Variants in TSPAN4 observed in about 807,000 individuals in gnomAD.
The protein encoded by TSPAN4 is tetraspanin-4.
In TSPAN4, 38 loss-of-function variants were observed where a neutral mutation model predicts 31.5. The observed-to-expected ratio is 1.21, with a 90% CI of 0.93 to 1.58. The LOEUF is 1.58. Ranked by LOEUF, TSPAN4 falls within the 40% of genes most tolerant of loss-of-function variation. The pLI is 0.00. For synonymous variants in TSPAN4, 186 were observed against 144.6 expected (o/e 1.29, Z -2.06); for missense variants, 330 against 317.3 (o/e 1.04, Z -0.30).
At chr11:845,671 T>C (rs1374267703) in intron 1 of TSPAN4, among the ~76,000 whole-genome samples, 4 of 151,478 alleles carry the variant, frequency 2.6e-5, no homozygotes, top group Admixed American at 2.6e-4. Flanking sequence ...CCACCCAGGG[T>C]CCTAAGTCTG....
chr11:864,157 C>T (rs923861123), intron 4 of TSPAN4: 1 of 535,882 alleles, frequency 1.9e-6, no homozygotes, highest in Non-Finnish European at 3.4e-6. Context: ...TTGGGGGTGT[C>T]TGGGTTGCCC....
intron 3 of TSPAN4, among the ~76,000 whole-genome samples, chr11:852,149 A>G (rs978604895): frequency 2.0e-5 from 3 of 152,098 alleles, no homozygotes; most frequent in African/African-American, 7.2e-5. Context: ...GTTTTTTGAG[A>G]TAGAGTCTTG....
In TSPAN4 at chr11:862,695, T is replaced by G; in HGVS notation, c.209T>G (p.Val70Gly). ...GCCTTTGTCATGGCCATCGGCTTCGTGGGCTGCCTGGGTGCCATCAAGGAG... is the reference window on the plus strand; with the variant it reads ...GCCTTTGTCATGGCCATCGGCTTCGGGGGCTGCCTGGGTGCCATCAAGGAG... Reference protein sequence around the residue: ...TGAFVMAIGFVGCLGAIKENK... With the variant: ...TGAFVMAIGFGGCLGAIKENK... The change falls in exon 4 of 9, where the codon GTG (valine) becomes GGG (glycine). Residue 70 changes from valine to glycine, a missense_variant. Coordinates refer to ENST00000397397, the MANE Select transcript of TSPAN4 (RefSeq NM_003271.5). The G allele has an allele frequency of 6.2e-7, 1 of 1,612,964 alleles. No individual in the cohort carries two copies. Among genetic ancestry groups the G allele is most frequent in the South Asian group, 1.1e-5 (1 of 91,068 alleles).
Position 864,481 on chromosome 11 carries a change from C to A in TSPAN4, c.300C>A (p.Ile100=). The A allele has an allele frequency of 6.2e-7, 1 of 1,612,850 alleles. No individual in the cohort carries two copies. The highest frequency in any genetic ancestry group is 2.2e-5 in the East Asian group (1 of 44,882). The change falls in exon 5 of 9, where the codon ATC becomes ATA. Residue 100 remains isoleucine, a synonymous_variant. Coordinates refer to ENST00000397397, the MANE Select transcript of TSPAN4 (RefSeq NM_003271.5). ...LLLVFLLEAT[I]AILFFAYTDK... ...TGGTGTTCCTGCTGGAGGCCACCAT[C>A]GCCATCCTCTTCTTCGCCTACACGG...
Position 860,290 on chromosome 11 carries a change from T to C in TSPAN4, c.64-2260T>C, listed in dbSNP as rs150638460. On this transcript the variant is annotated intron_variant, in intron 3 of 8. Transcript: ENST00000397397. ...AGCCCAGAGGGACCGAAGACACCAG[T>C]GACAGGCCTGGCCTGAATCTTGGGG... 2.1e-3 allele frequency among the ~76,000 whole-genome samples: 320 copies of C among 152,278 alleles called. 3 individuals are homozygous for C. Among genetic ancestry groups the C allele is most frequent in the African/African-American group, 7.2e-3 (301 of 41,564 alleles).
chr11:847,495 G>C (rs1847382552), intron 2 of TSPAN4, among the ~76,000 whole-genome samples, 195 bp downstream of exon 2: 1 of 152,062 alleles, frequency 6.6e-6, no homozygotes, highest in African/African-American at 2.4e-5. Context: ...GGGTGTTGAA[G>C]GACCCTCCCC....
chr11:846,427 G>A (rs1052887857), intron 1 of TSPAN4, among the ~76,000 whole-genome samples: 1 of 152,204 alleles, frequency 6.6e-6, no homozygotes, highest in Non-Finnish European at 1.5e-5. Flanking sequence ...TGGGGTGGAG[G>A]CTCTATGGTT....
rs1052583734 is a variant in TSPAN4, at chr11:848,552, G to A, written c.-18+1252G>A. ...AGCTGCGGGACCTCCCTGGGCACCC[G>A]GGGCTTCCACGGCAGCCCTCCCCAG... is the stretch of plus-strand genomic sequence containing the variant. On this transcript the variant is annotated intron_variant, in intron 2 of 8. Transcript: ENST00000397397. The surrounding 1 kb of genome is among the most constrained non-coding windows in gnomAD (Gnocchi z 5.7). 2.0e-5 allele frequency among the ~76,000 whole-genome samples: 3 copies of A among 152,120 alleles called. No homozygotes were observed. The highest frequency in any genetic ancestry group is 4.4e-5 in the Non-Finnish European group (3 of 67,994).
chr11:845,112 C>G (rs1282180198), intron 1 of TSPAN4, among the ~76,000 whole-genome samples: 1 of 152,200 alleles, frequency 6.6e-6, no homozygotes, highest in Non-Finnish European at 1.5e-5. Context: ...TGAGGCTGGG[C>G]ATGACCTTGA....
chr11:853,696 C>T (rs1363094665), intron 3 of TSPAN4, among the ~76,000 whole-genome samples: 1 of 152,110 alleles, frequency 6.6e-6, no homozygotes, highest in East Asian at 1.9e-4. Flanking sequence ...GCACTGGTGC[C>T]AACTCCTAAC....
chr11:865,408 A>G (rs1848711835), intron 5 of TSPAN4, 105 bp from the exon 6 acceptor site: 1 of 869,462 alleles, frequency 1.2e-6, no homozygotes, highest in Non-Finnish European at 1.8e-6. Flanking sequence ...GGGGGACACA[A>G]GACCAGGCGC....
chr11:843,297 G>GC (rs939319603), intron 1 of TSPAN4: 1 of 152,334 alleles, frequency 6.6e-6, no homozygotes, highest in African/African-American at 2.4e-5. Flanking sequence ...TCCTGTCCGC[G>GC]TTCTTTCCGC....
chr11:853,240 C>T (rs924685472), intron 3 of TSPAN4, among the ~76,000 whole-genome samples: 5 of 152,164 alleles, frequency 3.3e-5, no homozygotes, highest in South Asian at 2.1e-4. Context: ...CCCTTAACCC[C>T]AGCCTGGCAC....
intron 3 of TSPAN4, among the ~76,000 whole-genome samples, chr11:851,317 C>T (rs1028537497): frequency 9.2e-5 from 14 of 152,196 alleles, no homozygotes; most frequent in Non-Finnish European, 1.6e-4. Context: ...ATTCTGTGCC[C>T]TATTCTTAAT....
chr11:849,377 C>G (rs919540371), intron 2 of TSPAN4, among the ~76,000 whole-genome samples: 1 of 152,204 alleles, frequency 6.6e-6, no homozygotes, highest in Non-Finnish European at 1.5e-5. Context: ...GCGCCCGGGG[C>G]GGAGCCGCTT....
chr11:865,918 C>G lies in TSPAN4; in HGVS notation c.565C>G (p.Pro189Ala). The change falls in exon 8 of 9, where the codon CCG becomes GCG. Residue 189 changes from proline to alanine, a missense_variant and splice_region_variant. Pro to Ala is a conservative substitution (Grantham distance 27, BLOSUM62 -1). Transcript: ENST00000397397. ...LHAPGTWWKAPCYETVKVWLQ... is the reference protein window; with the variant it reads ...LHAPGTWWKAACYETVKVWLQ... ...ACACGCATGACATCCCTCCCTGCAGCCGTGCTACGAGACGGTGAAGGTGTG... is the reference window on the plus strand; with the variant it reads ...ACACGCATGACATCCCTCCCTGCAGGCGTGCTACGAGACGGTGAAGGTGTG... The G allele has an allele frequency of 6.2e-7, 1 of 1,613,144 alleles. No homozygotes were observed. The highest frequency in any genetic ancestry group is 8.5e-7 in the Non-Finnish European group (1 of 1,179,974).
chr11:845,165 C>A (rs778153788), intron 1 of TSPAN4, among the ~76,000 whole-genome samples: 1 of 152,212 alleles, frequency 6.6e-6, no homozygotes, highest in Non-Finnish European at 1.5e-5. Context: ...GCCTCGCCCC[C>A]ACACCTGTGC....
At chr11:855,682 A>T (rs1447758480) in intron 3 of TSPAN4, among the ~76,000 whole-genome samples, 4 of 152,194 alleles carry the variant, frequency 2.6e-5, no homozygotes, top group Non-Finnish European at 5.9e-5. Flanking sequence ...GACGTCGCTC[A>T]GGGCCCACAG....
chr11:845,679 C>CTGT (rs1847279389), intron 1 of TSPAN4, among the ~76,000 whole-genome samples: 1 of 151,952 alleles, frequency 6.6e-6, no homozygotes, highest in African/African-American at 2.4e-5. Context: ...GGTCCTAAGT[C>CTGT]TGTTGCCTTC....
Sources: allele counts gnomAD v4.1 joint callset (sites outside exome capture counted in the v4.1 genomes callset), GRCh38; gene constraint gnomAD v4.1.1; non-coding constraint Gnocchi (gnomAD v3.1); transcripts MANE v1.5; gene names NCBI Gene and HGNC (gene_info 2026-07-23, HGNC 2026-07-21).